The following ARHGAP24 variants were observed in gnomAD, a reference collection of about 807,000 sequenced individuals.
ARHGAP24 encodes the protein Rho GTPase activating protein 24.
A neutral mutation model predicts 76.4 loss-of-function variants in ARHGAP24; 50 were observed. That is an observed-to-expected ratio of 0.65 (90% CI 0.52 to 0.83). The LOEUF (loss-of-function observed/expected upper bound fraction) is 0.83. Among genes scored for constraint, ARHGAP24 ranks in the 40% least tolerant of loss-of-function variants. The probability of loss-of-function intolerance (pLI) is 0.00; values close to 1 mark genes in which losing one functional copy is unlikely to be tolerated. For missense variants in ARHGAP24, 930 were observed against 914.2 expected, an observed-to-expected ratio of 1.02 and a Z score of -0.22; for synonymous variants, 345 against 323.3, an observed-to-expected ratio of 1.07 and a Z score of -0.72.
intron 3 of ARHGAP24, among the ~76,000 whole-genome samples, chr4:85,725,214 C>T (rs1725122800): frequency 6.6e-6 from 1 of 152,112 alleles, no homozygotes; most frequent in Non-Finnish European, 1.5e-5. Context: ...ATATGTATCT[C>T]CATATATTTA....
At chr4:85,482,008 T>C (rs185072754) in intron 1 of ARHGAP24, among the ~76,000 whole-genome samples, 217 of 152,322 alleles carry the variant, frequency 1.4e-3, no homozygotes, top group African/African-American at 4.8e-3. Flanking sequence ...GAGAAGAGAA[T>C]TCTACAGCTA....
chr4:85,506,930 A>C (rs1306840896), intron 1 of ARHGAP24, among the ~76,000 whole-genome samples: 1 of 152,108 alleles, frequency 6.6e-6, no homozygotes, highest in African/African-American at 2.4e-5. Flanking sequence ...GAAATGTGAT[A>C]AAGTAGGTAA....
intron 1 of ARHGAP24, among the ~76,000 whole-genome samples, chr4:85,552,219 G>C (rs181973901): frequency 1.3e-5 from 2 of 152,230 alleles, no homozygotes; most frequent in Admixed American, 1.3e-4. Flanking sequence ...CTGGCATGTT[G>C]TATCTTTGTT....
chr4:85,564,826 A>ACCTCCTGC (rs1164579258), intron 1 of ARHGAP24, among the ~76,000 whole-genome samples: 2 of 146,156 alleles, frequency 1.4e-5, no homozygotes, highest in Non-Finnish European at 3.0e-5. Flanking sequence ...CCTACAGCTC[A>ACCTCCTGC]CCTCCTGCTG....
chr4:85,801,511 A>C (rs1728576059), intron 3 of ARHGAP24, among the ~76,000 whole-genome samples: 1 of 152,228 alleles, frequency 6.6e-6, no homozygotes, highest in Admixed American at 6.5e-5. Context: ...CCAAGTAAAA[A>C]TTGAAATATG....
At chr4:85,624,179 T>C (rs1239133004) in intron 2 of ARHGAP24, among the ~76,000 whole-genome samples, 3 of 152,196 alleles carry the variant, frequency 2.0e-5, no homozygotes, top group African/African-American at 7.2e-5. Flanking sequence ...TTCAAAGGAA[T>C]GCTTCCAGTT....
intron 1 of ARHGAP24, among the ~76,000 whole-genome samples, chr4:85,557,004 C>T (rs1242193540): frequency 6.6e-6 from 1 of 152,130 alleles, no homozygotes; most frequent in Non-Finnish European, 1.5e-5. Flanking sequence ...GCAGCTCTGC[C>T]GGGGGTCTGG....
intron 3 of ARHGAP24, among the ~76,000 whole-genome samples, chr4:85,880,505 T>A (rs1265922577): frequency 7.3e-6 from 1 of 137,018 alleles, no homozygotes; most frequent in Non-Finnish European, 1.5e-5. Context: ...GCATTTATCA[T>A]GAATGCATAA....
chr4:85,903,473 A>G (rs1734610202), intron 3 of ARHGAP24, among the ~76,000 whole-genome samples: 1 of 152,124 alleles, frequency 6.6e-6, no homozygotes, highest in Admixed American at 6.5e-5. Context: ...GAATCTAATG[A>G]CACTGATGGT....
At chr4:85,930,072 C>T (rs567289913) in intron 4 of ARHGAP24, among the ~76,000 whole-genome samples, 4 of 152,308 alleles carry the variant, frequency 2.6e-5, no homozygotes, top group East Asian at 1.9e-4. Context: ...ATGTGACCGG[C>T]GGGCACTGGA....
At position 85,683,993 on chromosome 4, in the gene ARHGAP24, T is replaced by C. The variant is rs138070424; in HGVS notation, c.181-37892T>C. Among the ~76,000 whole-genome samples the C allele has an allele frequency of 5.2e-3, 798 of 152,348 alleles. 6 individuals carry two copies. Among genetic ancestry groups the C allele is most frequent in the African/African-American group, 0.018 (755 of 41,568 alleles). Reference sequence around the variant, plus strand: ...ATATACTGCATTTTCTCAGTTCATATGTTGATGGGCACTGAGGTTGTTTCT... The same window carrying C: ...ATATACTGCATTTTCTCAGTTCATACGTTGATGGGCACTGAGGTTGTTTCT... On this transcript the variant is annotated intron_variant, in intron 2 of 9. Coordinates refer to ENST00000395184, the MANE Select transcript of ARHGAP24 (RefSeq NM_001025616.3).
At chr4:85,490,620 T>C (rs1723311997) in intron 1 of ARHGAP24, among the ~76,000 whole-genome samples, 1 of 152,164 alleles carries the variant, frequency 6.6e-6, no homozygotes. Flanking sequence ...TTAAGAATTA[T>C]AGTTAAACAA....
intron 3 of ARHGAP24, among the ~76,000 whole-genome samples, chr4:85,849,660 G>A (rs1437829244): frequency 6.6e-6 from 1 of 151,954 alleles, no homozygotes. Flanking sequence ...AGCATGAAGG[G>A]CTGTTGCATT....
At chr4:85,688,412 A>G (rs1257763829) in intron 2 of ARHGAP24, among the ~76,000 whole-genome samples, 1 of 151,614 alleles carries the variant, frequency 6.6e-6, no homozygotes, top group East Asian at 1.9e-4. Flanking sequence ...CATTTTTTTA[A>G]ATGGGATTAT....
At chr4:85,830,885 A>T (rs892571038) in intron 3 of ARHGAP24, among the ~76,000 whole-genome samples, 12 of 152,090 alleles carry the variant, frequency 7.9e-5, no homozygotes, top group African/African-American at 2.9e-4. Context: ...TCTCCGTTGG[A>T]AACAGGGAGT....
chr4:85,979,373 G>T (rs138779284), intron 8 of ARHGAP24, among the ~76,000 whole-genome samples: 57 of 152,220 alleles, frequency 3.7e-4, no homozygotes, highest in African/African-American at 1.3e-3. Context: ...TAAGTTCACA[G>T]TTCAGTAGCA....
chr4:85,778,626 A>G, intron 3 of ARHGAP24: 5 of 946,632 alleles, frequency 5.3e-6, no homozygotes, highest in Non-Finnish European at 6.3e-6. Context: ...TTTGTTTCTA[A>G]ATGCTCAAAT....
intron 1 of ARHGAP24, among the ~76,000 whole-genome samples, chr4:85,486,871 C>T (rs888022289): frequency 2.0e-5 from 3 of 151,954 alleles, no homozygotes; most frequent in Non-Finnish European, 4.4e-5. Flanking sequence ...CAGTGCTGTA[C>T]AATATACTGA....
chr4:85,704,023 A>G (rs572473657), intron 2 of ARHGAP24, among the ~76,000 whole-genome samples: 65 of 152,258 alleles, frequency 4.3e-4, no homozygotes, highest in Non-Finnish European at 9.0e-4. Context: ...TATGCAATCT[A>G]TAGCATGTAA....
Sources: gnomAD v4.1 joint callset for allele counts (sites outside exome capture counted in the v4.1 genomes callset) on GRCh38, gnomAD v4.1.1 for gene constraint, MANE v1.5 for transcripts, NCBI Gene and HGNC (gene_info 2026-07-23, HGNC 2026-07-21) for gene names.